The following CEP44 variants were observed in gnomAD, a reference collection of about 807,000 sequenced individuals.
The protein encoded by CEP44 is centrosomal protein 44, also known as centrosomal protein of 44 kDa.
A neutral mutation model predicts 46.7 loss-of-function variants in CEP44; 45 were observed. The observed-to-expected ratio is 0.96, with a 90% CI of 0.76 to 1.24. The LOEUF (loss-of-function observed/expected upper bound fraction) is 1.24. Among genes scored for constraint, CEP44 ranks in the 50% most tolerant of loss-of-function variants. CEP44 has a pLI of 0.00. For synonymous variants in CEP44, 142 were observed against 146.0 expected, an observed-to-expected ratio of 0.97 and a Z score of 0.20; for missense variants, 475 against 459.7, an observed-to-expected ratio of 1.03 and a Z score of -0.30.
At chr4:174,328,420 T>TGG (rs1731117752) in intron 8 of CEP44, among the ~76,000 whole-genome samples, 1 of 152,232 alleles carries the variant, frequency 6.6e-6, no homozygotes, top group Non-Finnish European at 1.5e-5. Flanking sequence ...TGTATTTCCA[T>TGG]AGTAACTATC....
chr4:174,320,408 C>T (rs1021490532), downstream of CEP44: 2 of 705,980 alleles, frequency 2.8e-6, no homozygotes, highest in African/African-American at 5.6e-5. Context: ...ATTAATATAA[C>T]CTTCTCAATT....
chr4:174,322,926 G>A (rs1742414352), downstream of CEP44, among the ~76,000 whole-genome samples: 1 of 152,052 alleles, frequency 6.6e-6, no homozygotes, highest in South Asian at 2.1e-4. Context: ...TTTAAGCACT[G>A]ATATTTTTGA....
intron 1 of CEP44, among the ~76,000 whole-genome samples, chr4:174,293,686 G>C (rs1211863499): frequency 6.6e-6 from 1 of 151,896 alleles, no homozygotes; most frequent in Non-Finnish European, 1.5e-5. Flanking sequence ...ACTTTTAGGG[G>C]GTTTTTTTTG....
At chr4:174,304,398 T>C in intron 6 of CEP44, 29 bp downstream of exon 6, 1 of 1,594,728 alleles carries the variant, frequency 6.3e-7, no homozygotes, top group South Asian at 1.2e-5. Context: ...AATATCATAT[T>C]GTTTAAGAGT....
At position 174,286,880 on chromosome 4, in the gene CEP44, GC is replaced by G. The variant is rs1737641077; in HGVS notation, c.-148+2941del. ...TCAGAGTCATATTCCTGTTTCATAG[GC>G]CCCATGTATGTCAGCTTTTAGTAGG... On this transcript the variant is annotated intron_variant, in intron 1 of 11. Coordinates refer to ENST00000503780, the MANE Select transcript of CEP44 (RefSeq NM_001040157.3). The surrounding 1 kb of genome is among the most constrained non-coding windows in gnomAD (Gnocchi z 5.2). Among the ~76,000 whole-genome samples the G allele has an allele frequency of 6.6e-6, 1 of 152,082 alleles. No individual in the cohort carries two copies. Among genetic ancestry groups the G allele is most frequent in the African/African-American group, 2.4e-5 (1 of 41,410 alleles).
intron 11 of CEP44, 145 bp downstream of exon 11, chr4:174,316,712 A>G (rs1176038865): frequency 8.0e-6 from 5 of 627,666 alleles, no homozygotes; most frequent in Non-Finnish European, 1.1e-5. Flanking sequence ...TCCACTGGAT[A>G]ATAAATCCAC....
chr4:174,310,769 CTG>C lies in CEP44; in HGVS notation c.886-10_886-9del, dbSNP rs575945327. ...TTTTTATTTCATTCTAAATATTTAA[CTG>C]TGTTATTCCAGAATGATGAATTTAT... On this transcript the variant is annotated splice_polypyrimidine_tract_variant and intron_variant, in intron 8 of 11. Coordinates refer to ENST00000503780, the MANE Select transcript of CEP44 (RefSeq NM_001040157.3). This position sits in a 1 kb window ranked among gnomAD's most constrained non-coding sequence, Gnocchi z 4.2. The C allele has an allele frequency of 7.1e-3, 8,582 of 1,215,620 alleles. 36 individuals carry two copies. Among genetic ancestry groups the C allele is most frequent in the Non-Finnish European group, 8.9e-3 (7,494 of 845,208 alleles). The allele number at this position is 1,215,620 out of a possible 1,614,324, so 75.3% of individuals were successfully genotyped here.
intron 3 of CEP44, among the ~76,000 whole-genome samples, chr4:174,300,305 A>G (rs1478839859): frequency 5.3e-5 from 8 of 152,178 alleles, no homozygotes; most frequent in Non-Finnish European, 1.2e-4. Context: ...CTGTTATTAT[A>G]GGCATTATAT....
Position 174,287,561 on chromosome 4 carries a change from T to C in CEP44, c.-148+3618T>C, listed in dbSNP as rs1432823612. ...CAGGAACTTTATCCCAGATACCATTTCTGTTATTTGTTGCTTTCTATAATA... is the reference window on the plus strand; with the variant it reads ...CAGGAACTTTATCCCAGATACCATTCCTGTTATTTGTTGCTTTCTATAATA... On this transcript the variant is annotated intron_variant, in intron 1 of 11. Coordinates refer to ENST00000503780, the MANE Select transcript of CEP44 (RefSeq NM_001040157.3). The surrounding 1 kb of genome is among the most constrained non-coding windows in gnomAD (Gnocchi z 5.1). Among the ~76,000 whole-genome samples the C allele has an allele frequency of 6.6e-6, 1 of 152,194 alleles. No individual in the cohort carries two copies. The highest frequency in any genetic ancestry group is 1.5e-5 in the Non-Finnish European group (1 of 68,036).
At chr4:174,298,440 G>C (rs967475493) in intron 2 of CEP44, among the ~76,000 whole-genome samples, 3 of 152,022 alleles carry the variant, frequency 2.0e-5, no homozygotes, top group Non-Finnish European at 4.4e-5. Flanking sequence ...CTCCCAAAGT[G>C]CTGGGATTAC....
At position 174,310,639 on chromosome 4, in the gene CEP44, A is replaced by G; in HGVS notation, c.886-144A>G. 2.1e-6 allele frequency: 1 copy of G among 467,574 alleles called. No individual in the cohort carries two copies. Among genetic ancestry groups the G allele is most frequent in the Non-Finnish European group, 3.7e-6 (1 of 268,300 alleles). The allele number at this position is 467,574 out of a possible 1,614,324, so 29.0% of individuals were successfully genotyped here. ...ACATTTCTTATATGTAGGAATATGCAGTATATGTATTGCTTTAATAAAAAA... is the reference window on the plus strand; with the variant it reads ...ACATTTCTTATATGTAGGAATATGCGGTATATGTATTGCTTTAATAAAAAA... On this transcript the variant is annotated intron_variant, in intron 8 of 11. Coordinates refer to ENST00000503780, the MANE Select transcript of CEP44 (RefSeq NM_001040157.3). This position sits in a 1 kb window ranked among gnomAD's most constrained non-coding sequence, Gnocchi z 4.2.
At chr4:174,322,776 C>G (rs992382443), downstream of CEP44, among the ~76,000 whole-genome samples, 11 of 152,074 alleles carry the variant, frequency 7.2e-5, no homozygotes, top group African/African-American at 2.7e-4. Flanking sequence ...TTTTTAAATT[C>G]AATATCTGAA....
chr4:174,324,480 C>T (rs1005504106), downstream of CEP44, among the ~76,000 whole-genome samples: 1 of 152,138 alleles, frequency 6.6e-6, no homozygotes, highest in Non-Finnish European at 1.5e-5. Flanking sequence ...CTTTTCCAAA[C>T]TGGCTGGCCC....
chr4:174,285,886 T>C (rs1737537190), intron 1 of CEP44, among the ~76,000 whole-genome samples: 1 of 152,196 alleles, frequency 6.6e-6, no homozygotes, highest in African/African-American at 2.4e-5. Flanking sequence ...TAGGCTTCCG[T>C]GTGTCCATCT....
chr4:174,302,338 A>C (rs1225154997), intron 4 of CEP44, 152 bp downstream of exon 4: 1 of 558,204 alleles, frequency 1.8e-6, no homozygotes, highest in Non-Finnish European at 3.1e-6. Flanking sequence ...TCTCTATTGA[A>C]ATCAAGATGC....
rs1294722565 is a variant in CEP44 at position 174,326,014 on chromosome 4, CA to C, written c.1087-5465del. On this transcript the variant is annotated intron_variant, in intron 8 of 8. Coordinates refer to the CEP44 transcript ENST00000426172. This position sits in a 1 kb window ranked among gnomAD's most constrained non-coding sequence, Gnocchi z 4.8. ...ACGTAATTTGGTCTTGCTCTTTTAT[CA>C]AATCTAAAAATCTCTGGAATGTTTA... Among the ~76,000 whole-genome samples the C allele has an allele frequency of 5.9e-5, 9 of 152,040 alleles. No homozygotes were observed. The highest frequency in any genetic ancestry group is 2.2e-4 in the African/African-American group (9 of 41,400).
rs1742131748 is a variant in CEP44, at chr4:174,319,737, A to G, written c.*2354A>G. The G allele has an allele frequency of 5.5e-6, 5 of 909,184 alleles. No homozygotes were observed. The highest frequency in any genetic ancestry group is 6.6e-6 in the Non-Finnish European group (5 of 759,726). The allele number at this position is 909,184 out of a possible 1,614,324, so 56.3% of individuals were successfully genotyped here. On this transcript the variant is annotated 3_prime_UTR_variant, in exon 12 of 12. Coordinates refer to ENST00000503780, the MANE Select transcript of CEP44 (RefSeq NM_001040157.3). ...AACAACTCTCTAATAGGGACTAAAAATCAACTCAATATATCATACATTTAC... is the reference window on the plus strand; with the variant it reads ...AACAACTCTCTAATAGGGACTAAAAGTCAACTCAATATATCATACATTTAC...
At chr4:174,315,863 A>G (rs538784396) in intron 9 of CEP44, among the ~76,000 whole-genome samples, 2 of 151,564 alleles carry the variant, frequency 1.3e-5, no homozygotes, top group South Asian at 4.2e-4. Flanking sequence ...AAAAAAAGAA[A>G]AGAATATACA....
Position 174,305,812 on chromosome 4 carries a change from T to G in CEP44, c.507+1443T>G, listed in dbSNP as rs142916681. On this transcript the variant is annotated intron_variant, in intron 6 of 11. Coordinates refer to ENST00000503780, the MANE Select transcript of CEP44 (RefSeq NM_001040157.3). ...AACACTGTGAGCACTTATTAATTAT[T>G]TATTGATATAATGTGCTTTTCAATG... Among the ~76,000 whole-genome samples, 110 of 152,362 alleles carry G rather than the reference T, an allele frequency of 7.2e-4. 1 individual carries two copies. The East Asian group carries it at 0.018, about 24-fold the overall frequency.
Sources: allele counts gnomAD v4.1 joint callset (sites outside exome capture counted in the v4.1 genomes callset), GRCh38; gene constraint gnomAD v4.1.1; non-coding constraint Gnocchi (gnomAD v3.1); transcripts MANE v1.5; gene names NCBI Gene and HGNC (gene_info 2026-07-23, HGNC 2026-07-21).